The following PCDHGB7 variants were observed in gnomAD, a reference collection of about 807,000 sequenced individuals.
PCDHGB7 encodes protocadherin gamma-B7.
PCDHGB7 carries 37 observed loss-of-function variants against 61.4 expected under a neutral mutation model. The ratio of observed to expected loss-of-function variants is 0.60; its 90% CI spans 0.46 to 0.79. The LOEUF (loss-of-function observed/expected upper bound fraction) is 0.79, where lower values mean the gene tolerates loss of function less well. PCDHGB7 is among the 30% of genes least tolerant of loss of function. The pLI is 0.00. For missense variants in PCDHGB7, 1,166 were observed against 1,202.5 expected (o/e 0.97, Z 0.45); for synonymous variants, 464 against 503.5 (o/e 0.92, Z 1.05).
Position 141,490,982 on chromosome 5 carries a change from G to A in PCDHGB7, c.2416-3825G>A, listed in dbSNP as rs964673026. 5 of 1,613,994 alleles carry A rather than the reference G, an allele frequency of 3.1e-6. No homozygotes were observed. Among genetic ancestry groups the A allele is most frequent in the Admixed American group, 1.7e-5 (1 of 60,020 alleles). On this transcript the variant is annotated intron_variant, in intron 1 of 3. Coordinates refer to ENST00000398594, the MANE Select transcript of PCDHGB7 (RefSeq NM_018927.4). This position sits in a 1 kb window ranked among gnomAD's most constrained non-coding sequence, Gnocchi z 5.4. The stretch of plus-strand genomic sequence containing the variant: ...CACTCAGCCCCCCAGCGTCTCCCTC[G>A]CTCTGCTCCTCCTGGCTCCTTGGTC...
chr5:141,421,538 T>A, intron 1 of PCDHGB7: 2 of 1,614,028 alleles, frequency 1.2e-6, no homozygotes, highest in Non-Finnish European at 1.7e-6. Context: ...TCCTCCTGTT[T>A]TTTAAATATG....
intron 1 of PCDHGB7, among the ~76,000 whole-genome samples, chr5:141,470,997 A>G (rs905897657): frequency 3.8e-4 from 57 of 150,462 alleles, no homozygotes; most frequent in African/African-American, 1.3e-3. Flanking sequence ...GACTACAGGC[A>G]TGAGCCACTG....
intron 1 of PCDHGB7, among the ~76,000 whole-genome samples, chr5:141,446,719 G>C (rs899985752): frequency 2.6e-5 from 4 of 152,056 alleles, no homozygotes; most frequent in Admixed American, 1.3e-4. Flanking sequence ...TGCCCGCCTC[G>C]GCCTCCCAAA....
Position 141,481,556 on chromosome 5 carries a change from G to A in PCDHGB7, c.2416-13251G>A, listed in dbSNP as rs553126587. Among the ~76,000 whole-genome samples the A allele has an allele frequency of 1.2e-4, 18 of 152,266 alleles. No homozygotes were observed. The South Asian group carries it at 1.4e-3, about 12-fold the overall frequency. On this transcript the variant is annotated intron_variant, in intron 1 of 3. Coordinates refer to ENST00000398594, the MANE Select transcript of PCDHGB7 (RefSeq NM_018927.4). ...GATGGGGCTGGGCTCAGTGGCTCAC[G>A]CCTGTAATCCCAGTACTTAGGGAGG...
Position 141,512,106 on chromosome 5 carries a change from T to A in PCDHGB7, c.*933T>A, listed in dbSNP as rs2099884076. 6.6e-6 allele frequency: 1 copy of A among 152,630 alleles called. No homozygotes were observed. Among genetic ancestry groups the A allele is most frequent in the Non-Finnish European group, 1.5e-5 (1 of 68,060 alleles). 9.5% of individuals were successfully genotyped at this position (152,630 alleles called of 1,614,324 possible). On this transcript the variant is annotated 3_prime_UTR_variant, in exon 4 of 4. Transcript: ENST00000398594. ...TAAACCAATAACTAGGCTGGACCCT[T>A]CCCACTACATAATAGGGCTCAGCCC...
At chr5:141,480,873 C>T (rs1026513782) in intron 1 of PCDHGB7, among the ~76,000 whole-genome samples, 5 of 152,050 alleles carry the variant, frequency 3.3e-5, no homozygotes, top group Non-Finnish European at 7.4e-5. Context: ...GGTGAAACCC[C>T]GTCTCTACTA....
Position 141,485,631 on chromosome 5 carries a change from C to T in PCDHGB7, c.2416-9176C>T. 6.2e-7 allele frequency: 1 copy of T among 1,611,764 alleles called. No homozygotes were observed. The highest frequency in any genetic ancestry group is 8.5e-7 in the Non-Finnish European group (1 of 1,178,360). Reference sequence around the variant, plus strand: ...GCAGCTCCTCCAGGACAGCGTTTCCCGTTGGAAAAGGCTCAGGATGCAGAT... The same window carrying T: ...GCAGCTCCTCCAGGACAGCGTTTCCTGTTGGAAAAGGCTCAGGATGCAGAT... On this transcript the variant is annotated intron_variant, in intron 1 of 3. Coordinates refer to ENST00000398594, the MANE Select transcript of PCDHGB7 (RefSeq NM_018927.4). The surrounding 1 kb of genome is among the most constrained non-coding windows in gnomAD (Gnocchi z 5.7).
In PCDHGB7 at chr5:141,428,992, C is replaced by A. The variant is rs986416866; in HGVS notation, c.2415+8718C>A. The A allele has an allele frequency of 1.3e-4, 20 of 152,092 alleles. 1 individual carries two copies. Among genetic ancestry groups the A allele is most frequent in the Admixed American group, 1.2e-3 (18 of 15,248 alleles). 9.4% of individuals were successfully genotyped at this position (152,092 alleles called of 1,614,324 possible). On this transcript the variant is annotated intron_variant, in intron 1 of 3. Transcript: ENST00000398594. Reference sequence around the variant, plus strand: ...GCCTCAGCCTCCCGGGTAGCTGGGACTACAGGCGCCCGCCACCACGCCCGG... The same window carrying A: ...GCCTCAGCCTCCCGGGTAGCTGGGAATACAGGCGCCCGCCACCACGCCCGG...
intron 1 of PCDHGB7, among the ~76,000 whole-genome samples, chr5:141,469,803 A>G (rs1326367314): frequency 6.6e-6 from 1 of 152,174 alleles, no homozygotes; most frequent in Non-Finnish European, 1.5e-5. Context: ...TTGCAAAAAC[A>G]TTGTAGATAG....
rs2096665320 is a variant in PCDHGB7 at position 141,422,696 on chromosome 5, A to G, written c.2415+2422A>G. The G allele has an allele frequency of 3.1e-6, 5 of 1,602,638 alleles. No homozygotes were observed. The highest frequency in any genetic ancestry group is 4.3e-6 in the Non-Finnish European group (5 of 1,174,110). On this transcript the variant is annotated intron_variant, in intron 1 of 3. Coordinates refer to ENST00000398594, the MANE Select transcript of PCDHGB7 (RefSeq NM_018927.4). Reference sequence around the variant, plus strand: ...AGCAAACAGAATGCCCTGGTCACTTACTCTCTGACGGATGACACTGTCCAG... The same window carrying G: ...AGCAAACAGAATGCCCTGGTCACTTGCTCTCTGACGGATGACACTGTCCAG...
chr5:141,418,147 C>A lies in PCDHGB7; in HGVS notation c.288C>A (p.Cys96Ter), dbSNP rs781655205. Residue 96 changes from cysteine to a stop codon, truncating the protein, a stop_gained, in exon 1 of 4, where the codon TGC becomes TGA. Transcript: ENST00000398594. LOFTEE classifies it high-confidence loss of function. The stretch of plus-strand genomic sequence containing the variant: ...ACCGAATAGACCGTGAGCAAATATG[C>A]AAAGAGAGAAGAAGATGTGAGTTGC... ...VKDRIDREQI[C>*]KERRRCELQL... The A allele has an allele frequency of 1.9e-6, 3 of 1,614,040 alleles. No individual in the cohort carries two copies. Among genetic ancestry groups the A allele is most frequent in the Non-Finnish European group, 2.5e-6 (3 of 1,179,898 alleles).
In PCDHGB7 at chr5:141,428,860, CTT is replaced by C. The variant is rs34152666; in HGVS notation, c.2415+8598_2415+8599del. On this transcript the variant is annotated intron_variant, in intron 1 of 3. Transcript: ENST00000398594. The stretch of plus-strand genomic sequence containing the variant: ...ACATTTTCACCATTTTTACGGGAGA[CTT>C]TTTTTTTTTTTGGACGGAGTCTCGC... The C allele has an allele frequency of 7.4e-3, 1,070 of 145,506 alleles. 4 individuals carry two copies. Among genetic ancestry groups the C allele is most frequent in the South Asian group, 0.018 (82 of 4,566 alleles). 9.0% of individuals were successfully genotyped at this position (145,506 alleles called of 1,614,324 possible).
Position 141,491,968 on chromosome 5 carries a change from G to GC in PCDHGB7, c.2416-2837dup. On this transcript the variant is annotated intron_variant, in intron 1 of 3. Coordinates refer to ENST00000398594, the MANE Select transcript of PCDHGB7 (RefSeq NM_018927.4). The surrounding 1 kb of genome is among the most constrained non-coding windows in gnomAD (Gnocchi z 6.9). ...ACCCCTACACTCAAAAAAGGCCGGG[G>GC]CCTCCTTCGAGCTTCCGGTGAATTT... 1.1e-6 allele frequency: 1 copy of GC among 923,644 alleles called. No homozygotes were observed. Among genetic ancestry groups the GC allele is most frequent in the Admixed American group, 3.6e-5 (1 of 27,548 alleles). 57.2% of individuals were successfully genotyped at this position (923,644 alleles called of 1,614,324 possible).
rs202183643 is a variant in PCDHGB7 at position 141,490,646 on chromosome 5, C to T, written c.2416-4161C>T. 9 of 1,614,186 alleles carry T rather than the reference C, an allele frequency of 5.6e-6. No homozygotes were observed. Among genetic ancestry groups the T allele is most frequent in the African/African-American group, 2.7e-5 (2 of 75,054 alleles). ...GCTTACATCCTAGAAAACCGGCCTC[C>T]GGGCTCCCTTCTTTGCACTGTGGCT... On this transcript the variant is annotated intron_variant, in intron 1 of 3. Transcript: ENST00000398594. The surrounding 1 kb of genome is among the most constrained non-coding windows in gnomAD (Gnocchi z 5.4).
At position 141,420,240 on chromosome 5, in the gene PCDHGB7, C is replaced by G. The variant is rs752339982; in HGVS notation, c.2381C>G (p.Pro794Arg). 3 of 1,593,140 alleles carry G rather than the reference C, an allele frequency of 1.9e-6. No homozygotes were observed. Among genetic ancestry groups the G allele is most frequent in the Non-Finnish European group, 2.6e-6 (3 of 1,167,996 alleles). ...ATGCTACTGGCTAGCATTTTAACTC[C>G]CAGCGTTGAAGCAGATAAGAAGATT... ...DSMLLASILTPSVEADKKILK... is the reference protein window; with the variant it reads ...DSMLLASILTRSVEADKKILK... The change falls in exon 1 of 4, where the codon CCC becomes CGC. Residue 794 changes from proline to arginine, a missense_variant. Pro to Arg is a moderately radical substitution (Grantham distance 103). Coordinates refer to ENST00000398594, the MANE Select transcript of PCDHGB7 (RefSeq NM_018927.4).
In PCDHGB7 at chr5:141,489,091, T is replaced by TCAG. The variant is rs2099682519; in HGVS notation, c.2416-5716_2416-5715insCAG. On this transcript the variant is annotated intron_variant, in intron 1 of 3. Transcript: ENST00000398594. This position sits in a 1 kb window ranked among gnomAD's most constrained non-coding sequence, Gnocchi z 4.5. ...CTGCCCACCCCCGCCACTCGGTGACTAAGAACTGCTGCAAGCAGGCAAACC... is the reference window on the plus strand; with the variant it reads ...CTGCCCACCCCCGCCACTCGGTGACTCAGAAGAACTGCTGCAAGCAGGCAAACC... The TCAG allele has an allele frequency of 3.0e-6, 1 of 333,056 alleles. No individual in the cohort carries two copies. Among genetic ancestry groups the TCAG allele is most frequent in the Non-Finnish European group, 5.5e-6 (1 of 181,380 alleles). 20.6% of individuals were successfully genotyped at this position (333,056 alleles called of 1,614,324 possible). A position where few individuals can be genotyped will look rare whatever the true frequency, so the allele number is the denominator to read the frequency against.
intron 1 of PCDHGB7, among the ~76,000 whole-genome samples, chr5:141,464,747 G>A (rs969116049): frequency 2.0e-5 from 3 of 151,812 alleles, no homozygotes; most frequent in Admixed American, 2.0e-4. Context: ...ATATCTTTTT[G>A]TTTTTTTAGA....
intron 1 of PCDHGB7, among the ~76,000 whole-genome samples, chr5:141,446,322 C>A (rs1561922470): frequency 2.0e-5 from 3 of 151,968 alleles, no homozygotes; most frequent in South Asian, 4.1e-4. Flanking sequence ...TGGGTTTCCA[C>A]ATTAAGGAAC....
At chr5:141,433,181 G>T (rs199507607) in intron 1 of PCDHGB7, 45 of 1,607,620 alleles carry the variant, frequency 2.8e-5, no homozygotes, top group Non-Finnish European at 3.4e-5. Context: ...TGGGTTAATT[G>T]AGGTGAGTTT....
Sources: allele counts gnomAD v4.1 joint callset (sites outside exome capture counted in the v4.1 genomes callset), GRCh38; gene constraint gnomAD v4.1.1; non-coding constraint Gnocchi (gnomAD v3.1); transcripts MANE v1.5; gene names NCBI Gene and HGNC (gene_info 2026-07-23, HGNC 2026-07-21).